BMP6: variants seen among roughly 807,000 people sequenced by gnomAD.
The protein encoded by BMP6 is VG-1-R.
In BMP6, 17 loss-of-function variants were observed where a neutral mutation model predicts 54.1. That is an observed-to-expected ratio of 0.31 (90% CI 0.22 to 0.47). The LOEUF is 0.47. Ranked by LOEUF, BMP6 falls within the 20% of genes least tolerant of loss-of-function variation. BMP6 has a pLI of 1.00. For missense variants in BMP6, 720 were observed against 690.4 expected, an observed-to-expected ratio of 1.04 and a Z score of -0.48; for synonymous variants, 328 against 291.2, an observed-to-expected ratio of 1.13 and a Z score of -1.28.
chr6:7,780,640 T>A (rs1431296756), intron 1 of BMP6, among the ~76,000 whole-genome samples: 1 of 152,222 alleles, frequency 6.6e-6, no homozygotes, highest in Non-Finnish European at 1.5e-5. Context: ...CCCAGACAGC[T>A]TCTAACTTAG....
At chr6:7,733,515 C>T (rs937114988) in intron 1 of BMP6, among the ~76,000 whole-genome samples, 6 of 152,180 alleles carry the variant, frequency 3.9e-5, no homozygotes, top group Non-Finnish European at 8.8e-5. Flanking sequence ...GTCCCCCCCT[C>T]CCTAGGCCAC....
rs150962959 is a variant in BMP6 at position 7,879,013 on chromosome 6, G to A, written c.1205-61G>A. ...TGGCATGTGGTAAACTCTCTATGAA[G>A]GAATTAATGAGTTGATGGGTGCATC... On this transcript the variant is annotated intron_variant, in intron 4 of 6. Transcript: ENST00000283147. The A allele has an allele frequency of 4.2e-3, 6,385 of 1,511,538 alleles. 17 individuals carry two copies. Among genetic ancestry groups the A allele is most frequent in the Non-Finnish European group, 5.3e-3 (5,766 of 1,087,130 alleles). The allele number at this position is 1,511,538 out of a possible 1,614,324, so 93.6% of individuals were successfully genotyped here.
intron 1 of BMP6, among the ~76,000 whole-genome samples, chr6:7,795,656 A>G (rs1053300789): frequency 6.6e-6 from 1 of 152,174 alleles, no homozygotes; most frequent in Non-Finnish European, 1.5e-5. Flanking sequence ...ATGGGATAGA[A>G]CTTGGAGAAG....
intron 1 of BMP6, among the ~76,000 whole-genome samples, chr6:7,797,997 A>G (rs532515917): frequency 1.3e-5 from 2 of 152,184 alleles, no homozygotes; most frequent in African/African-American, 4.8e-5. Flanking sequence ...GGTGACTTCT[A>G]CTGCCATTGT....
intron 1 of BMP6, among the ~76,000 whole-genome samples, chr6:7,739,482 TATCTC>T (rs1037766215): frequency 4.6e-5 from 7 of 152,192 alleles, no homozygotes; most frequent in African/African-American, 1.7e-4. Context: ...ATTATCCTAT[TATCTC>T]AGCAAGGCAA....
intron 4 of BMP6, among the ~76,000 whole-genome samples, chr6:7,871,234 T>C (rs1759519299): frequency 6.6e-6 from 1 of 152,202 alleles, no homozygotes; most frequent in South Asian, 2.1e-4. Flanking sequence ...TAATGTTCAT[T>C]TGGAGAAGAG....
chr6:7,829,682 G>A (rs749498746), intron 1 of BMP6, among the ~76,000 whole-genome samples: 3 of 152,136 alleles, frequency 2.0e-5, no homozygotes, highest in Admixed American at 1.3e-4. Context: ...CTCCAGCCTC[G>A]GCAACAGAGG....
intron 1 of BMP6, among the ~76,000 whole-genome samples, chr6:7,753,376 G>T (rs1278244254): frequency 6.6e-6 from 1 of 152,226 alleles, no homozygotes; most frequent in Non-Finnish European, 1.5e-5. Flanking sequence ...AATGTGGTCT[G>T]TGGACCAGCA....
chr6:7,879,309 G>C (rs1013796824), intron 5 of BMP6, among the ~76,000 whole-genome samples, 159 bp downstream of exon 5: 1 of 152,180 alleles, frequency 6.6e-6, no homozygotes, highest in African/African-American at 2.4e-5. Flanking sequence ...CAGGCTCCTG[G>C]AGTAAGGCAG....
intron 1 of BMP6, among the ~76,000 whole-genome samples, chr6:7,838,671 G>A (rs999823244): frequency 8.5e-5 from 13 of 152,102 alleles, no homozygotes; most frequent in Non-Finnish European, 1.5e-4. Context: ...GGCTGGGCGC[G>A]GTGGCTCACG....
At chr6:7,739,623 CT>C (rs754477051) in intron 1 of BMP6, among the ~76,000 whole-genome samples, 3 of 152,052 alleles carry the variant, frequency 2.0e-5, no homozygotes, top group Non-Finnish European at 4.4e-5. Flanking sequence ...GCAATGTTAA[CT>C]GAATGTTCCA....
intron 1 of BMP6, among the ~76,000 whole-genome samples, chr6:7,728,499 C>A (rs1388918870): frequency 6.7e-6 from 1 of 150,312 alleles, no homozygotes; most frequent in South Asian, 2.1e-4. Flanking sequence ...CCAGTCACAT[C>A]GCCCTTTCTC....
intron 4 of BMP6, among the ~76,000 whole-genome samples, chr6:7,877,211 C>T (rs1385729457): frequency 6.6e-6 from 1 of 152,176 alleles, no homozygotes; most frequent in Non-Finnish European, 1.5e-5. Context: ...TGTTGGGTAA[C>T]ATAGGCAGGT....
chr6:7,733,610 ATCTTC>A lies in BMP6; in HGVS notation c.664+5996_664+6000del, dbSNP rs1246830993. On this transcript the variant is annotated intron_variant, in intron 1 of 6. Coordinates refer to ENST00000283147, the MANE Select transcript of BMP6 (RefSeq NM_001718.6). ...GGGGCAGATATAGGGCATAGCTGGC[ATCTTC>A]TCTTGTGTTCCCCGCAAGGAACCAG... Among the ~76,000 whole-genome samples, 5 of 152,328 alleles carry A rather than the reference ATCTTC, an allele frequency of 3.3e-5. No individual in the cohort carries two copies. In the East Asian group the frequency reaches 9.6e-4, roughly 29 times the overall value.
Position 7,880,369 on chromosome 6 carries a change from CA to C in BMP6, c.*27del. The C allele has an allele frequency of 6.2e-7, 1 of 1,613,164 alleles. No homozygotes were observed. The highest frequency in any genetic ancestry group is 8.5e-7 in the Non-Finnish European group (1 of 1,179,212). ...CTCGAAACCAGATGCTGGGGACACA[CA>C]TTCTGCCTTGGATTCCTAGATTACA... On this transcript the variant is annotated 3_prime_UTR_variant, in exon 7 of 7. Coordinates refer to ENST00000283147, the MANE Select transcript of BMP6 (RefSeq NM_001718.6).
intron 1 of BMP6, among the ~76,000 whole-genome samples, chr6:7,821,190 G>C (rs1371765394): frequency 6.6e-6 from 1 of 152,194 alleles, no homozygotes; most frequent in African/African-American, 2.4e-5. Context: ...CCTTTTAAAA[G>C]CTTTCCACCT....
intron 4 of BMP6, among the ~76,000 whole-genome samples, chr6:7,870,547 C>G (rs1759507519): frequency 6.6e-6 from 1 of 152,190 alleles, no homozygotes; most frequent in East Asian, 1.9e-4. Flanking sequence ...CCTTCTTTTC[C>G]ACTACAGATC....
At chr6:7,796,892 T>C (rs1418100672) in intron 1 of BMP6, among the ~76,000 whole-genome samples, 1 of 152,240 alleles carries the variant, frequency 6.6e-6, no homozygotes, top group African/African-American at 2.4e-5. Context: ...GCTATTCAAA[T>C]CTTTCTGGAT....
chr6:7,796,354 C>T (rs1314143257), intron 1 of BMP6, among the ~76,000 whole-genome samples: 1 of 152,256 alleles, frequency 6.6e-6, no homozygotes, highest in Non-Finnish European at 1.5e-5. Context: ...GCCAAACTGC[C>T]ACCCTCGTGG....
Sources: allele counts gnomAD v4.1 joint callset (sites outside exome capture counted in the v4.1 genomes callset), GRCh38; gene constraint gnomAD v4.1.1; transcripts MANE v1.5; gene names NCBI Gene and HGNC (gene_info 2026-07-23, HGNC 2026-07-21).